The following DMD variants were observed in gnomAD, a reference collection of about 807,000 sequenced individuals.
The protein encoded by DMD is mutant dystrophin.
A neutral mutation model predicts 330.1 loss-of-function variants in DMD; 63 were observed. The ratio of observed to expected loss-of-function variants is 0.19; its 90% CI spans 0.16 to 0.24. DMD has a LOEUF of 0.24. Ranked by LOEUF, DMD falls within the 10% of genes least tolerant of loss-of-function variation. The pLI, the probability that DMD is intolerant of heterozygous loss-of-function variation, is 1.00. For synonymous variants in DMD, 1,223 were observed against 959.8 expected (o/e 1.27, Z -5.07); for missense variants, 3,344 against 2,684.1 (o/e 1.25, Z -5.43).
chrX:32,751,021 C>T (rs780179655), intron 7 of DMD, among the ~76,000 whole-genome samples: 8 of 111,924 alleles, frequency 7.1e-5, no homozygotes, highest in South Asian at 7.5e-4. Flanking sequence ...TCCCTAGCTA[C>T]GTGGAACTCT....
chrX:32,727,679 G>A (rs1364962151), intron 7 of DMD, among the ~76,000 whole-genome samples: 1 of 110,790 alleles, frequency 9.0e-6, no homozygotes. Flanking sequence ...TGTGTTAAAA[G>A]TATTTGTTGA....
chrX:33,138,679 CCTTTT>C (rs1395669137), intron 1 of DMD, among the ~76,000 whole-genome samples: 1 of 110,709 alleles, frequency 9.0e-6, no homozygotes, highest in Non-Finnish European at 1.9e-5. Context: ...AGTAGTGTTT[CCTTTT>C]CTTTTCATCC....
intron 7 of DMD, among the ~76,000 whole-genome samples, chrX:32,718,875 A>C (rs191369854): frequency 8.9e-6 from 1 of 112,401 alleles, no homozygotes; most frequent in Non-Finnish European, 1.9e-5. Context: ...TAATTTTGTC[A>C]GCTAAAACTT....
At chrX:32,640,279 T>G (rs1457615558) in intron 11 of DMD, among the ~76,000 whole-genome samples, 2 of 107,698 alleles carry the variant, frequency 1.9e-5, no homozygotes, top group African/African-American at 3.4e-5. Context: ...CTATCTCATC[T>G]AGTATCTTTC....
At chrX:31,784,951 T>TA (rs2091218471) in intron 50 of DMD, among the ~76,000 whole-genome samples, 1 of 111,816 alleles carries the variant, frequency 8.9e-6, no homozygotes, top group African/African-American at 3.3e-5. Flanking sequence ...CCAAAAGAAT[T>TA]AAAAACAGGA....
chrX:32,027,542 C>A (rs1390388858), intron 44 of DMD, among the ~76,000 whole-genome samples: 1 of 111,317 alleles, frequency 9.0e-6, no homozygotes, highest in Non-Finnish European at 1.9e-5. Flanking sequence ...GGTTATAGCC[C>A]CACCATAGGA....
At chrX:31,125,849 T>C (rs771363085) in intron 78 of DMD, among the ~76,000 whole-genome samples, 6 of 112,094 alleles carry the variant, frequency 5.4e-5, no homozygotes, top group Non-Finnish European at 7.5e-5. Flanking sequence ...GAATTGGTTA[T>C]TGTTCTGTGT....
intron 61 of DMD, chrX:31,348,227 T>G: frequency 1.1e-5 from 3 of 268,755 alleles, no homozygotes; most frequent in Non-Finnish European, 2.0e-5. Context: ...ATTGGAATAA[T>G]GATACAGAGA....
At position 32,794,084 on chromosome X, in the gene DMD, A is replaced by G. The variant is rs1258706228; in HGVS notation, c.649+15409T>C. On this transcript the variant is annotated intron_variant, in intron 7 of 78. Coordinates refer to ENST00000357033, the MANE Select transcript of DMD (RefSeq NM_004006.3). ...AGGATACATCATACACAAATCAATA[A>G]ATATGACATATTACATCAAACAGAA... Among the ~76,000 whole-genome samples the G allele has an allele frequency of 2.7e-5, 3 of 112,131 alleles. No homozygotes were observed. In the Admixed American group the frequency reaches 2.8e-4, roughly 11 times the overall value.
chrX:31,483,202 A>G (rs1204090180), intron 57 of DMD, among the ~76,000 whole-genome samples: 2 of 107,968 alleles, frequency 1.9e-5, no homozygotes, highest in Non-Finnish European at 3.8e-5. Flanking sequence ...GCCCGCCACC[A>G]CGCCCAGCTA....
intron 1 of DMD, among the ~76,000 whole-genome samples, chrX:33,189,856 T>A (rs765086973): frequency 7.1e-5 from 8 of 112,182 alleles, no homozygotes; most frequent in Middle Eastern, 4.6e-3. Context: ...GAATGAAATT[T>A]CCCTGTCTTC....
At chrX:32,988,672 G>A (rs60729257) in intron 2 of DMD, among the ~76,000 whole-genome samples, 256 of 111,876 alleles carry the variant, frequency 2.3e-3, no homozygotes, top group African/African-American at 8.0e-3. Flanking sequence ...CAAGTTATAC[G>A]GATATGTATG....
intron 16 of DMD, among the ~76,000 whole-genome samples, chrX:32,557,024 T>C (rs1476570909): frequency 8.9e-6 from 1 of 112,027 alleles, no homozygotes; most frequent in African/African-American, 3.2e-5. Context: ...TTGATTATCT[T>C]ATTCAAAAGA....
intron 30 of DMD, among the ~76,000 whole-genome samples, chrX:32,404,395 G>A (rs762852134): frequency 9.0e-6 from 1 of 111,254 alleles, no homozygotes; most frequent in African/African-American, 3.3e-5. Flanking sequence ...ACTCTTCTTT[G>A]AAGGTAATTT....
intron 44 of DMD, among the ~76,000 whole-genome samples, chrX:32,114,017 T>A (rs1024974310): frequency 8.9e-6 from 1 of 112,148 alleles, no homozygotes; most frequent in African/African-American, 3.2e-5. Flanking sequence ...AGGCTCAATG[T>A]CAACATTTTG....
intron 16 of DMD, among the ~76,000 whole-genome samples, chrX:32,548,584 T>C (rs1413088088): frequency 8.9e-6 from 1 of 111,880 alleles, no homozygotes; most frequent in Non-Finnish European, 1.9e-5. Flanking sequence ...TTTACACTAT[T>C]GAGTAAACAA....
intron 9 of DMD, among the ~76,000 whole-genome samples, chrX:32,656,168 G>C (rs1314366395): frequency 1.8e-5 from 2 of 111,922 alleles, no homozygotes; most frequent in East Asian, 2.8e-4. Flanking sequence ...GTATTGGCCA[G>C]TTGGATATAA....
rs1247816528 is a variant in DMD at position 32,501,792 on chromosome X, G to A, written c.2343C>T (p.Ser781=). The A allele has an allele frequency of 8.3e-7, 1 of 1,209,635 alleles. No homozygotes were observed. Among genetic ancestry groups the A allele is most frequent in the Admixed American group, 2.2e-5 (1 of 45,927 alleles). ...GTTCCACCAGGGCCTGAGCTGATCTGCTGGCATCTTGCAGTTTTCTGAACT... is the reference window on the plus strand; with the variant it reads ...GTTCCACCAGGGCCTGAGCTGATCTACTGGCATCTTGCAGTTTTCTGAACT... ...AEKFRKLQDA[S]RSAQALVEQM... Residue 781 remains serine, a synonymous_variant, in exon 19 of 79, where the codon AGC becomes AGT. Coordinates refer to ENST00000357033, the MANE Select transcript of DMD (RefSeq NM_004006.3).
At chrX:31,959,605 A>G (rs776059363) in intron 45 of DMD, among the ~76,000 whole-genome samples, 16 of 111,064 alleles carry the variant, frequency 1.4e-4, no homozygotes, top group Non-Finnish European at 5.7e-5. Flanking sequence ...ACACTTCTAC[A>G]TTTCATAATC....
Sources: allele counts gnomAD v4.1 joint callset (sites outside exome capture counted in the v4.1 genomes callset), GRCh38; gene constraint gnomAD v4.1.1; transcripts MANE v1.5; gene names NCBI Gene and HGNC (gene_info 2026-07-23, HGNC 2026-07-21).